CPSF2: variants seen among roughly 807,000 people sequenced by gnomAD.
CPSF2 encodes the protein cleavage and polyadenylation specific factor 2.
In CPSF2, 51 loss-of-function variants were observed where a neutral mutation model predicts 84.2. That is an observed-to-expected ratio of 0.61 (90% CI 0.48 to 0.77). The LOEUF (loss-of-function observed/expected upper bound fraction) is 0.77. Ranked by LOEUF, CPSF2 falls within the 30% of genes least tolerant of loss-of-function variation. The probability of loss-of-function intolerance (pLI) is 0.00; values close to 1 mark genes in which losing one functional copy is unlikely to be tolerated. For missense variants in CPSF2, 641 were observed against 929.4 expected (o/e 0.69, Z 4.03); for synonymous variants, 286 against 311.9 (o/e 0.92, Z 0.87).
chr14:92,140,201 C>T (rs2069057843), intron 7 of CPSF2, among the ~76,000 whole-genome samples: 1 of 151,872 alleles, frequency 6.6e-6, no homozygotes, highest in Admixed American at 6.6e-5. Flanking sequence ...ATCCGCCCAC[C>T]TCGGCCTCCC....
intron 7 of CPSF2, 23 bp downstream of exon 7, chr14:92,138,370 A>T (rs1407624289): frequency 1.9e-6 from 2 of 1,031,024 alleles, no homozygotes; most frequent in East Asian, 5.7e-5. Flanking sequence ...TCACGTCCTT[A>T]TTATTATTAT....
intron 2 of CPSF2, among the ~76,000 whole-genome samples, chr14:92,128,217 A>G (rs1289495279): frequency 6.6e-6 from 1 of 151,244 alleles, no homozygotes; most frequent in African/African-American, 2.4e-5. Flanking sequence ...CCTGGGTGAC[A>G]AGAGTGAAAC....
At position 92,131,962 on chromosome 14, in the gene CPSF2, A is replaced by G. The variant is rs570863111; in HGVS notation, c.149+829A>G. On this transcript the variant is annotated intron_variant, in intron 3 of 15. Transcript: ENST00000298875. Reference sequence around the variant, plus strand: ...TGAGAAAAAAAATCCAAACCATTTTATTAATTTCTTGTGTTGATGAGAACA... The same window carrying G: ...TGAGAAAAAAAATCCAAACCATTTTGTTAATTTCTTGTGTTGATGAGAACA... Among the ~76,000 whole-genome samples, 3 of 152,342 alleles carry G rather than the reference A, an allele frequency of 2.0e-5. No individual in the cohort carries two copies. In the South Asian group the frequency reaches 6.2e-4, roughly 32 times the overall value.
chr14:92,125,270 C>G (rs2068831116), intron 1 of CPSF2, among the ~76,000 whole-genome samples: 2 of 152,056 alleles, frequency 1.3e-5, no homozygotes, highest in Admixed American at 1.3e-4. Context: ...GCAAAGCGTT[C>G]CTGAGGGAAG....
Position 92,153,866 on chromosome 14 carries a change from CTTTT to C in CPSF2, c.1141-475_1141-472del, listed in dbSNP as rs767628179. On this transcript the variant is annotated intron_variant, in intron 9 of 15. Coordinates refer to ENST00000298875, the MANE Select transcript of CPSF2 (RefSeq NM_017437.3). ...AACAGGCACATGCCACCACTCCTGG[CTTTT>C]TTTTTTTTTTTTTTTTATGTGGAGA... 6.6e-5 allele frequency among the ~76,000 whole-genome samples: 8 copies of C among 121,646 alleles called. No individual in the cohort carries two copies. In the South Asian group the frequency reaches 8.3e-4, roughly 13 times the overall value. 79.8% of individuals were successfully genotyped at this position (121,646 alleles called of 152,430 possible). A position where few individuals can be genotyped will look rare whatever the true frequency, so the allele number is the denominator to read the frequency against.
chr14:92,165,852 A>ATTTTTTTTTTTTTT lies in CPSF2; in HGVS notation c.*4109_*4110insTTTTTTTTTTTTTT, dbSNP rs1222722128. On this transcript the variant is annotated 3_prime_UTR_variant, in exon 16 of 16. Transcript: ENST00000298875. The stretch of plus-strand genomic sequence containing the variant: ...TTCAGTTCTTTGTGCTTGGTTTTAT[A>ATTTTTTTTTTTTTT]TCTTTTTTTTTTTTTTTTTTTTTTT... 3 of 53,914 alleles carry ATTTTTTTTTTTTTT rather than the reference A, an allele frequency of 5.6e-5. No individual in the cohort carries two copies. Among genetic ancestry groups the ATTTTTTTTTTTTTT allele is most frequent in the Admixed American group, 1.9e-4 (1 of 5,208 alleles). The allele number at this position is 53,914 out of a possible 1,614,324, so 3.3% of individuals were successfully genotyped here.
At chr14:92,137,717 T>A (rs1159088007) in intron 6 of CPSF2, among the ~76,000 whole-genome samples, 1 of 152,156 alleles carries the variant, frequency 6.6e-6, no homozygotes, top group Non-Finnish European at 1.5e-5. Context: ...CTTTGGAAGA[T>A]TATAATGGCA....
Position 92,122,070 on chromosome 14 carries a change from C to T in CPSF2, c.-152C>T, listed in dbSNP as rs17127959. 1.5e-3 allele frequency: 778 copies of T among 510,220 alleles called. 6 individuals are homozygous for T. Among genetic ancestry groups the T allele is most frequent in the African/African-American group, 0.014 (703 of 51,826 alleles). The allele number at this position is 510,220 out of a possible 1,614,324, so 31.6% of individuals were successfully genotyped here. On this transcript the variant is annotated 5_prime_UTR_variant, in exon 1 of 16. Transcript: ENST00000298875. ...AGCATCGGCTTTTCTACGTCTTGAA[C>T]CTGGATTCGCCTAGGGGTTGGGAAG...
In CPSF2 at chr14:92,142,237, A is replaced by G; in HGVS notation, c.735A>G (p.Glu245=). The change falls in exon 8 of 16, where the codon GAA becomes GAG. Residue 245 remains glutamate, a synonymous_variant. Coordinates refer to ENST00000298875, the MANE Select transcript of CPSF2 (RefSeq NM_017437.3). ...TGGACACAGCAGGCAGAGTTTTGGAACTTGCTCAACTTCTTGATCAGATTT... is the reference window on the plus strand; with the variant it reads ...TGGACACAGCAGGCAGAGTTTTGGAGCTTGCTCAACTTCTTGATCAGATTT... ...IAVDTAGRVL[E]LAQLLDQIWR... is the part of the protein sequence containing the mutation. The G allele has an allele frequency of 1.2e-6, 2 of 1,614,062 alleles. No individual in the cohort carries two copies. Among genetic ancestry groups the G allele is most frequent in the Non-Finnish European group, 1.7e-6 (2 of 1,179,950 alleles).
intron 11 of CPSF2, among the ~76,000 whole-genome samples, chr14:92,156,184 G>C (rs1410024893): frequency 6.6e-6 from 1 of 152,110 alleles, no homozygotes; most frequent in Non-Finnish European, 1.5e-5. Flanking sequence ...TAGCTACTCT[G>C]GGGGCTGAGG....
chr14:92,157,648 T>C lies in CPSF2; in HGVS notation c.1596-11T>C, dbSNP rs771149674. ...AGAAAAGTAATCTTGAATAATCATA[T>C]CTAATTACAGAGCCCGGGTTACCTA... is the stretch of plus-strand genomic sequence containing the variant. On this transcript the variant is annotated splice_polypyrimidine_tract_variant and intron_variant, in intron 12 of 15. Coordinates refer to ENST00000298875, the MANE Select transcript of CPSF2 (RefSeq NM_017437.3). This position sits in a 1 kb window ranked among gnomAD's most constrained non-coding sequence, Gnocchi z 4.0. 4 of 1,594,634 alleles carry C rather than the reference T, an allele frequency of 2.5e-6. No homozygotes were observed. The South Asian group carries it at 4.4e-5, about 18-fold the overall frequency.
In CPSF2 at chr14:92,168,274, G is replaced by C. The variant is rs1017737947; in HGVS notation, c.*6530G>C. ...AAAAAAAAAAAAAAAAAAGGGCAGGGGGAGCGGCTAGAGAAGGAACATTCA... is the reference window on the plus strand; with the variant it reads ...AAAAAAAAAAAAAAAAAAGGGCAGGCGGAGCGGCTAGAGAAGGAACATTCA... On this transcript the variant is annotated 3_prime_UTR_variant, in exon 16 of 16. Transcript: ENST00000298875. 3 of 140,274 alleles carry C rather than the reference G, an allele frequency of 2.1e-5. No individual in the cohort carries two copies. The highest frequency in any genetic ancestry group is 7.7e-5 in the African/African-American group (3 of 38,802). 8.7% of individuals were successfully genotyped at this position (140,274 alleles called of 1,614,324 possible).
intron 3 of CPSF2, among the ~76,000 whole-genome samples, chr14:92,133,477 T>G (rs1052437549): frequency 1.3e-5 from 2 of 152,218 alleles, no homozygotes; most frequent in Non-Finnish European, 2.9e-5. Context: ...TGTTCTTGTT[T>G]TTATTTTTAG....
At chr14:92,125,374 A>G (rs1183621905) in intron 1 of CPSF2, among the ~76,000 whole-genome samples, 1 of 152,196 alleles carries the variant, frequency 6.6e-6, no homozygotes, top group East Asian at 1.9e-4. Context: ...CAACTAATAT[A>G]TTCATGTCGC....
chr14:92,140,907 C>T (rs1444398585), intron 7 of CPSF2, among the ~76,000 whole-genome samples: 3 of 152,044 alleles, frequency 2.0e-5, no homozygotes, highest in African/African-American at 7.2e-5. Flanking sequence ...GAGCGAGACC[C>T]TGTCTCAACA....
rs542752289 is a variant in CPSF2, at chr14:92,162,164, CA to C, written c.*430del. 7.8e-5 allele frequency: 11 copies of C among 141,362 alleles called. No individual in the cohort carries two copies. The highest frequency in any genetic ancestry group is 9.3e-5 in the Non-Finnish European group (6 of 64,256). The allele number at this position is 141,362 out of a possible 1,614,324, so 8.8% of individuals were successfully genotyped here. On this transcript the variant is annotated 3_prime_UTR_variant, in exon 16 of 16. Coordinates refer to ENST00000298875, the MANE Select transcript of CPSF2 (RefSeq NM_017437.3). The stretch of plus-strand genomic sequence containing the variant: ...AGAATTATTTAGAAAAGACATGCTC[CA>C]AAAAAAAAACAAAACTGATAAAACA...
At chr14:92,147,844 C>T (rs964867723) in intron 9 of CPSF2, among the ~76,000 whole-genome samples, 1 of 152,194 alleles carries the variant, frequency 6.6e-6, no homozygotes, top group African/African-American at 2.4e-5. Context: ...CTGCTTAAGC[C>T]TCCCAATTAG....
In CPSF2 at chr14:92,155,339, A is replaced by G. The variant is rs200860463; in HGVS notation, c.1442+16A>G. 1.6e-4 allele frequency: 261 copies of G among 1,593,380 alleles called. No homozygotes were observed. In the African/African-American group the frequency reaches 3.1e-3, roughly 19 times the overall value. On this transcript the variant is annotated intron_variant, in intron 11 of 15. Coordinates refer to ENST00000298875, the MANE Select transcript of CPSF2 (RefSeq NM_017437.3). ...AGATTATCAAGTATGTGAGCAAAAC[A>G]AACTTTTCTCTCTTACAAATTGGAG...
In CPSF2 at chr14:92,158,970, T is replaced by A; in HGVS notation, c.1822-13T>A. On this transcript the variant is annotated splice_polypyrimidine_tract_variant and intron_variant, in intron 13 of 15. Coordinates refer to ENST00000298875, the MANE Select transcript of CPSF2 (RefSeq NM_017437.3). The stretch of plus-strand genomic sequence containing the variant: ...GTGGGTTTTATTTCTCTCCCCCTCC[T>A]TTGCATGTCTAGGTGAGGTTAAAAG... 2 of 1,586,794 alleles carry A rather than the reference T, an allele frequency of 1.3e-6. No homozygotes were observed. Among genetic ancestry groups the A allele is most frequent in the Non-Finnish European group, 1.7e-6 (2 of 1,166,346 alleles).
Sources: allele counts gnomAD v4.1 joint callset (sites outside exome capture counted in the v4.1 genomes callset), GRCh38; gene constraint gnomAD v4.1.1; non-coding constraint Gnocchi (gnomAD v3.1); transcripts MANE v1.5; gene names NCBI Gene and HGNC (gene_info 2026-07-23, HGNC 2026-07-21).